VWA8: variants seen among roughly 807,000 people sequenced by gnomAD.
VWA8 encodes von Willebrand factor A domain containing 8.
Under a neutral mutation model 241.5 loss-of-function variants are expected in VWA8, and 221 were observed. The observed-to-expected ratio is 0.91, with a 90% CI of 0.82 to 1.02. The LOEUF (loss-of-function observed/expected upper bound fraction) is 1.02, where lower values mean the gene tolerates loss of function less well. VWA8 is among the 50% of genes least tolerant of loss of function. The pLI is 0.00. For missense variants in VWA8, 2,322 were observed against 2,328.7 expected (o/e 1.00, Z 0.06); for synonymous variants, 852 against 827.1 (o/e 1.03, Z -0.52).
chr13:41,646,737 T>G (rs778422316), intron 37 of VWA8, among the ~76,000 whole-genome samples: 1 of 152,272 alleles, frequency 6.6e-6, no homozygotes, highest in South Asian at 2.1e-4. Context: ...ATCAGATTTA[T>G]AGAAAGCACT....
intron 4 of VWA8, among the ~76,000 whole-genome samples, chr13:41,898,857 C>A (rs1875278671): frequency 1.3e-5 from 2 of 152,174 alleles, no homozygotes; most frequent in South Asian, 4.1e-4. Flanking sequence ...GCCTGCAGGG[C>A]CGGCCGGCTG....
intron 15 of VWA8, among the ~76,000 whole-genome samples, chr13:41,818,375 C>G (rs1057435465): frequency 1.3e-5 from 2 of 151,038 alleles, no homozygotes; most frequent in African/African-American, 4.9e-5. Context: ...AGTTCAAGAC[C>G]AGCCTGGCCA....
chr13:41,933,604 C>T (rs1877221666), intron 2 of VWA8, among the ~76,000 whole-genome samples: 1 of 151,918 alleles, frequency 6.6e-6, no homozygotes, highest in African/African-American at 2.4e-5. Context: ...GCACTGATGT[C>T]AAGACAGAAA....
intron 14 of VWA8, among the ~76,000 whole-genome samples, chr13:41,826,373 C>T (rs932382537): frequency 6.6e-6 from 1 of 152,062 alleles, no homozygotes; most frequent in African/African-American, 2.4e-5. Flanking sequence ...CCTGACAGAA[C>T]ATAATAGAGA....
intron 24 of VWA8, 37 bp downstream of exon 24, chr13:41,727,157 C>T (rs2045442168): frequency 6.9e-7 from 1 of 1,446,676 alleles, no homozygotes; most frequent in Non-Finnish European, 9.4e-7. Flanking sequence ...ATTATTATTA[C>T]TGCTATTGGT....
At position 41,583,718 on chromosome 13, in the gene VWA8, A is replaced by G. The variant is rs566013689; in HGVS notation, c.5271+3794T>C. On this transcript the variant is annotated intron_variant, in intron 42 of 44. Transcript: ENST00000379310. ...GCCTGGACCCTCATGAGAGGGTCATAAGAGTGACTGTCATGAAAAGCAAAA... is the reference window on the plus strand; with the variant it reads ...GCCTGGACCCTCATGAGAGGGTCATGAGAGTGACTGTCATGAAAAGCAAAA... Among the ~76,000 whole-genome samples the G allele has an allele frequency of 1.5e-3, 224 of 152,076 alleles. 1 individual carries two copies. Among genetic ancestry groups the G allele is most frequent in the African/African-American group, 5.2e-3 (216 of 41,504 alleles).
intron 1 of VWA8, among the ~76,000 whole-genome samples, chr13:41,957,006 A>C (rs1199305481): frequency 6.6e-6 from 1 of 152,178 alleles, no homozygotes; most frequent in African/African-American, 2.4e-5. Flanking sequence ...TTTGGGAGGC[A>C]AAGATGGGCA....
intron 37 of VWA8, among the ~76,000 whole-genome samples, chr13:41,662,671 TTTC>T (rs2044958681): frequency 6.6e-6 from 1 of 151,984 alleles, no homozygotes; most frequent in Non-Finnish European, 1.5e-5. Flanking sequence ...TATTGCTCCT[TTTC>T]TTTTTTAAAT....
chr13:41,833,259 G>A lies in VWA8; in HGVS notation c.1586+112C>T, dbSNP rs995472263. 26 of 1,256,798 alleles carry A rather than the reference G, an allele frequency of 2.1e-5. No individual in the cohort carries two copies. The South Asian group carries it at 4.5e-4, about 22-fold the overall frequency. The allele number at this position is 1,256,798 out of a possible 1,614,324, so 77.9% of individuals were successfully genotyped here. A position where few individuals can be genotyped will look rare whatever the true frequency, so the allele number is the denominator to read the frequency against. ...TTGGTATAGAATCATGATTTTTCAG[G>A]ATCTACACAACCCAGTTTAAAAAAA... On this transcript the variant is annotated intron_variant, in intron 13 of 44. Transcript: ENST00000379310.
intron 37 of VWA8, among the ~76,000 whole-genome samples, chr13:41,662,855 C>A (rs1057060442): frequency 6.6e-6 from 1 of 151,920 alleles, no homozygotes; most frequent in African/African-American, 2.4e-5. Flanking sequence ...AAATATGGTG[C>A]CAGCTGTGGT....
chr13:41,780,447 C>T (rs1928100), intron 19 of VWA8, among the ~76,000 whole-genome samples: 30,470 of 152,054 alleles, frequency 0.2, 3,025 homozygotes, highest in Middle Eastern at 0.23. Flanking sequence ...GTTAATGGCA[C>T]CATTTTCTAC....
At chr13:41,956,604 C>G (rs1878362435) in intron 1 of VWA8, among the ~76,000 whole-genome samples, 1 of 152,186 alleles carries the variant, frequency 6.6e-6, no homozygotes. Context: ...CAGTATAGTT[C>G]TTTCCTCTTT....
At chr13:41,723,606 G>A (rs2045409596) in intron 24 of VWA8, among the ~76,000 whole-genome samples, 1 of 152,102 alleles carries the variant, frequency 6.6e-6, no homozygotes. Flanking sequence ...TATATTTCGA[G>A]GGTATAGCCA....
chr13:41,784,680 T>TTATACA (rs1352875670), intron 18 of VWA8, among the ~76,000 whole-genome samples: 115 of 57,634 alleles, frequency 2.0e-3, no homozygotes, highest in Non-Finnish European at 3.7e-3. Context: ...CTCTCTCTCT[T>TTATACA]TATACATATA....
At chr13:41,587,349 T>G (rs2044425289) in intron 42 of VWA8, among the ~76,000 whole-genome samples, 163 bp downstream of exon 42, 2 of 152,234 alleles carry the variant, frequency 1.3e-5, no homozygotes, top group African/African-American at 4.8e-5. Context: ...GGAGTTATTT[T>G]ACAATTACTA....
In VWA8 at chr13:41,664,647, C is replaced by T. The variant is rs1025697893; in HGVS notation, c.4611+6299G>A. ...AGAGGAGAAAATCTGGATGTCTCAA[C>T]GGCCTGGACAGACTTTCGACTAATC... On this transcript the variant is annotated intron_variant, in intron 37 of 44. Transcript: ENST00000379310. Among the ~76,000 whole-genome samples the T allele has an allele frequency of 3.9e-5, 6 of 152,166 alleles. No individual in the cohort carries two copies. The East Asian group carries it at 5.8e-4, about 15-fold the overall frequency.
At chr13:41,734,149 C>T (rs1214018572) in intron 21 of VWA8, among the ~76,000 whole-genome samples, 1 of 152,102 alleles carries the variant, frequency 6.6e-6, no homozygotes, top group Non-Finnish European at 1.5e-5. Flanking sequence ...ACCAGCTTGA[C>T]CAACGTGGTG....
intron 4 of VWA8, among the ~76,000 whole-genome samples, chr13:41,899,297 T>C (rs1056144555): frequency 7.4e-4 from 113 of 152,234 alleles, no homozygotes; most frequent in African/African-American, 2.7e-3. Flanking sequence ...ATGGATGTTT[T>C]ATAGTGCAAC....
intron 32 of VWA8, 31 bp from the exon 33 acceptor site, chr13:41,690,306 G>T: frequency 6.3e-7 from 1 of 1,578,186 alleles, no homozygotes; most frequent in Non-Finnish European, 8.6e-7. Context: ...TAGCTTAAGT[G>T]AAATTTTTCT....
Sources: gnomAD v4.1 joint callset for allele counts (sites outside exome capture counted in the v4.1 genomes callset) on GRCh38, gnomAD v4.1.1 for gene constraint, MANE v1.5 for transcripts, NCBI Gene and HGNC (gene_info 2026-07-23, HGNC 2026-07-21) for gene names.